The following NOP58 variants were observed in gnomAD, a reference collection of about 807,000 sequenced individuals.
The protein encoded by NOP58 is NOP58 ribonucleoprotein.
Under a neutral mutation model 71.2 loss-of-function variants are expected in NOP58, and 44 were observed. The observed-to-expected ratio is 0.62, with a 90% CI of 0.49 to 0.79. The LOEUF is 0.79. Among genes scored for constraint, NOP58 ranks in the 30% least tolerant of loss-of-function variants. The pLI is 0.00. For missense variants in NOP58, 538 were observed against 620.2 expected (o/e 0.87, Z 1.41); for synonymous variants, 228 against 200.3 (o/e 1.14, Z -1.17).
rs763747107 is a variant in NOP58 at position 202,302,949 on chromosome 2, AGAAGAAGAAGAAACATCTGT to A, written c.1444_1463del (p.Thr482GlufsTer4). On this transcript the variant is annotated frameshift_variant, in exon 14 of 15. Coordinates refer to ENST00000264279, the MANE Select transcript of NOP58 (RefSeq NM_015934.5). LOFTEE classifies it high-confidence loss of function. ...AAGAAGAGGAAGAAGAAAAAGTGGC[AGAAGAAGAAGAAACATCTGT>A]GAAGAAGAAGAAGAAAAGGGGTAAA... is the stretch of plus-strand genomic sequence containing the variant. 1.9e-6 allele frequency: 3 copies of A among 1,605,156 alleles called. No individual in the cohort carries two copies. The highest frequency in any genetic ancestry group is 2.5e-6 in the Non-Finnish European group (3 of 1,177,684).
intron 1 of NOP58, among the ~76,000 whole-genome samples, chr2:202,268,721 C>T (rs939062514): frequency 2.6e-5 from 4 of 150,980 alleles, no homozygotes; most frequent in African/African-American, 7.3e-5. Flanking sequence ...AAGCAATTCT[C>T]CTGCCTCAGC....
At chr2:202,268,259 G>A (rs1407819958) in intron 1 of NOP58, among the ~76,000 whole-genome samples, 1 of 152,142 alleles carries the variant, frequency 6.6e-6, no homozygotes, top group Non-Finnish European at 1.5e-5. Flanking sequence ...TGGTTGCCAG[G>A]CATGGTGGCT....
At chr2:202,283,374 C>T (rs561691554) in intron 4 of NOP58, among the ~76,000 whole-genome samples, 15 of 152,066 alleles carry the variant, frequency 9.9e-5, no homozygotes, top group Admixed American at 7.2e-4. Context: ...GGATTACAGA[C>T]GCCCGCCAAC....
intron 10 of NOP58, among the ~76,000 whole-genome samples, chr2:202,296,196 C>T (rs1486364087): frequency 6.6e-6 from 1 of 151,962 alleles, no homozygotes; most frequent in African/African-American, 2.4e-5. Flanking sequence ...TGAGAGAAGT[C>T]ACTAAACTTT....
chr2:202,284,111 G>A (rs576509641), intron 4 of NOP58, among the ~76,000 whole-genome samples: 106 of 151,842 alleles, frequency 7.0e-4, no homozygotes, highest in African/African-American at 2.1e-3. Context: ...GTGAAACCCC[G>A]TCTCTACTAA....
rs1332325034 is a variant in NOP58, at chr2:202,303,435, A to G, written c.1589A>G (p.Ter530=). The change falls in exon 15 of 15, where the codon TAA becomes TGA. Residue 530 remains the stop codon, a stop_retained_variant. Coordinates refer to ENST00000264279, the MANE Select transcript of NOP58 (RefSeq NM_015934.5). The part of the protein sequence containing the change: ...KKKKKRENED[*] ...AAAAAAAAGAGAGAGAACGAGGATT[A>G]ACAGAAAGGAATTACGATTATATCA... is the stretch of plus-strand genomic sequence containing the variant. 1 of 1,610,172 alleles carries G rather than the reference A, an allele frequency of 6.2e-7. No individual in the cohort carries two copies. Among genetic ancestry groups the G allele is most frequent in the Non-Finnish European group, 8.5e-7 (1 of 1,178,226 alleles).
intron 1 of NOP58, among the ~76,000 whole-genome samples, chr2:202,273,120 G>A (rs13028404): frequency 0.016 from 2,501 of 152,034 alleles, 39 homozygotes; most frequent in Admixed American, 0.032. Flanking sequence ...GCGAGACTCC[G>A]TCTCAATAAA....
At chr2:202,292,954 G>C (rs867739211) in intron 9 of NOP58, 51 bp downstream of exon 9, 2 of 1,603,686 alleles carry the variant, frequency 1.2e-6, no homozygotes, top group Middle Eastern at 3.3e-4. Context: ...GTATTTTCTG[G>C]TTAGGATTTT....
intron 9 of NOP58, chr2:202,293,210 A>G (rs914603754): frequency 1.9e-6 from 1 of 516,406 alleles, no homozygotes; most frequent in South Asian, 1.5e-5. Context: ...AACAGTTAAC[A>G]TTTTCATAAT....
At chr2:202,291,292 T>C in intron 8 of NOP58, 22 bp downstream of exon 8, 2 of 1,582,256 alleles carry the variant, frequency 1.3e-6, no homozygotes, top group Non-Finnish European at 1.7e-6. Context: ...TCCTGGAGAA[T>C]CTAGTTGTGG....
intron 8 of NOP58, among the ~76,000 whole-genome samples, chr2:202,292,096 C>T (rs1238316264): frequency 8.4e-5 from 12 of 142,814 alleles, no homozygotes; most frequent in Admixed American, 8.2e-4. Flanking sequence ...CCAGTTCAAG[C>T]GGTTCTCCTG....
chr2:202,293,675 A>G (rs1011691237), intron 9 of NOP58, among the ~76,000 whole-genome samples: 1 of 152,072 alleles, frequency 6.6e-6, no homozygotes, highest in East Asian at 1.9e-4. Flanking sequence ...GGTTCAAGCA[A>G]TTCTCCTGCC....
intron 6 of NOP58, among the ~76,000 whole-genome samples, chr2:202,289,510 T>G (rs1688851690): frequency 1.3e-5 from 2 of 152,220 alleles, no homozygotes; most frequent in Admixed American, 1.3e-4. Context: ...CATTTCCTAT[T>G]TAGACTTCGA....
In NOP58 at chr2:202,303,195, G is replaced by A. The variant is rs552792600; in HGVS notation, c.1539+138G>A. 1.8e-5 allele frequency: 24 copies of A among 1,304,880 alleles called. No individual in the cohort carries two copies. In the South Asian group the frequency reaches 3.1e-4, roughly 17 times the overall value. 80.8% of individuals were successfully genotyped at this position (1,304,880 alleles called of 1,614,324 possible). A position where few individuals can be genotyped will look rare whatever the true frequency, so the allele number is the denominator to read the frequency against. On this transcript the variant is annotated intron_variant, in intron 14 of 14. Coordinates refer to ENST00000264279, the MANE Select transcript of NOP58 (RefSeq NM_015934.5). ...GGAGAGGTAAAAGTGAAATGGCTTT[G>A]TTGTATTTATATTATAAAAGGCCAT...
chr2:202,303,547 A>C lies in NOP58; in HGVS notation c.*111A>C. On this transcript the variant is annotated 3_prime_UTR_variant, in exon 15 of 15. Transcript: ENST00000264279. Reference sequence around the variant, plus strand: ...ATCAAGGGAAGGTTCAGTAAGACAAAGTGATTTATCATCTATAACTTCAAA... The same window carrying C: ...ATCAAGGGAAGGTTCAGTAAGACAACGTGATTTATCATCTATAACTTCAAA... The C allele has an allele frequency of 1.4e-6, 2 of 1,385,478 alleles. No homozygotes were observed. The allele number at this position is 1,385,478 out of a possible 1,614,324, so 85.8% of individuals were successfully genotyped here.
intron 5 of NOP58, 107 bp downstream of exon 5, chr2:202,284,588 T>C: frequency 8.5e-7 from 1 of 1,181,922 alleles, no homozygotes; most frequent in Non-Finnish European, 1.2e-6. Flanking sequence ...CATCAGAACC[T>C]TATGAAGAAG....
intron 6 of NOP58, 72 bp downstream of exon 6, chr2:202,287,796 T>G (rs1688818764): frequency 8.7e-7 from 1 of 1,147,278 alleles, no homozygotes; most frequent in Admixed American, 1.7e-5. Flanking sequence ...TGAAACTATC[T>G]TTTATGATTC....
intron 6 of NOP58, among the ~76,000 whole-genome samples, chr2:202,290,075 C>G (rs888198591): frequency 6.6e-6 from 1 of 152,024 alleles, no homozygotes; most frequent in Admixed American, 6.6e-5. Context: ...CTGCCTCAGC[C>G]CTCCAGAGTA....
rs148667174 is a variant in NOP58, at chr2:202,265,909, G to C, written c.-33G>C. 50,471 of 1,613,762 alleles carry C rather than the reference G, an allele frequency of 0.031. 908 individuals are homozygous for C. The highest frequency in any genetic ancestry group is 0.05 in the Middle Eastern group (305 of 6,060). On this transcript the variant is annotated 5_prime_UTR_variant, in exon 1 of 15. Transcript: ENST00000264279. Reference sequence around the variant, plus strand: ...TTTTGAACTGACTCTACAGCTTCTGGCAGGCCGTGCGGCGCCCTGACCCGG... The same window carrying C: ...TTTTGAACTGACTCTACAGCTTCTGCCAGGCCGTGCGGCGCCCTGACCCGG...
Sources: allele counts gnomAD v4.1 joint callset (sites outside exome capture counted in the v4.1 genomes callset), GRCh38; gene constraint gnomAD v4.1.1; transcripts MANE v1.5; gene names NCBI Gene and HGNC (gene_info 2026-07-23, HGNC 2026-07-21).